TTN: variants seen among roughly 807,000 people sequenced by gnomAD.
TTN encodes the protein titin, also known as connectin.
TTN carries 1,525 observed loss-of-function variants against 3,223.0 expected under a neutral mutation model. That is an observed-to-expected ratio of 0.47 (90% CI 0.45 to 0.49). The LOEUF is 0.49. TTN is among the 20% of genes least tolerant of loss of function. TTN has a pLI of 0.00. For missense variants in TTN, 40,786 were observed against 43,424.0 expected, an observed-to-expected ratio of 0.94 and a Z score of 5.40; for synonymous variants, 14,094 against 15,161.0, an observed-to-expected ratio of 0.93 and a Z score of 5.17.
Position 178,807,392 on chromosome 2 carries a change from C to G in TTN, c.-194G>C, listed in dbSNP as rs562565841. The G allele has an allele frequency of 6.6e-6, 1 of 152,222 alleles. No individual in the cohort carries two copies. Among genetic ancestry groups the G allele is most frequent in the Admixed American group, 6.5e-5 (1 of 15,282 alleles). The allele number at this position is 152,222 out of a possible 1,614,324, so 9.4% of individuals were successfully genotyped here. A position where few individuals can be genotyped will look rare whatever the true frequency, so the allele number is the denominator to read the frequency against. ...TTTGCTTTTCTATGCAATCCCTACA[C>G]CCGAGGCGAGGCTGGGAATGCACGA... On this transcript the variant is annotated 5_prime_UTR_variant, in exon 1 of 363. Coordinates refer to ENST00000589042, the MANE Select transcript of TTN (RefSeq NM_001267550.2).
chr2:178,620,207 T>A lies in TTN; in HGVS notation c.46304+10A>T. On this transcript the variant is annotated intron_variant, in intron 248 of 362. Transcript: ENST00000589042. ...GCTACAGAAATAGAGAATAAAAAGATCTTGCTTACTTTTTGCCTTCTTTGA... is the reference window on the plus strand; with the variant it reads ...GCTACAGAAATAGAGAATAAAAAGAACTTGCTTACTTTTTGCCTTCTTTGA... 1 of 1,541,944 alleles carries A rather than the reference T, an allele frequency of 6.5e-7. No homozygotes were observed. The highest frequency in any genetic ancestry group is 8.7e-7 in the Non-Finnish European group (1 of 1,148,832).
chr2:178,685,737 A>G, intron 127 of TTN, 139 bp from the exon 128 acceptor site: 3 of 745,956 alleles, frequency 4.0e-6, no homozygotes, highest in Non-Finnish European at 6.5e-6. Context: ...CCTATTTAAA[A>G]TACTCAAAGA....
Position 178,702,507 on chromosome 2 carries a change from T to G in TTN, c.30380A>C (p.Asn10127Thr). ...LTESQKYNFR[N>T]DGRCHYMTIH... ...GGTCATATAATGGCAGCGGCCATCA[T>G]TCCTGAAGTTGTATTTCTGGCTCTC... Residue 10127 changes from asparagine (N) to threonine (T), a missense_variant, in exon 107 of 363, where the codon AAT becomes ACT. Physicochemically the swap from Asn to Thr is moderately conservative, Grantham distance 65 (BLOSUM62 0). Coordinates refer to ENST00000589042, the MANE Select transcript of TTN (RefSeq NM_001267550.2). The G allele has an allele frequency of 2.5e-6, 4 of 1,613,964 alleles. No individual in the cohort carries two copies. The highest frequency in any genetic ancestry group is 3.4e-6 in the Non-Finnish European group (4 of 1,179,872).
rs1391236798 is a variant in TTN at position 178,531,218 on chromosome 2, T to G, written c.105397A>C (p.Thr35133Pro). 3.1e-6 allele frequency: 5 copies of G among 1,613,870 alleles called. No homozygotes were observed. The African/African-American group carries it at 4.0e-5, about 13-fold the overall frequency. The change falls in exon 358 of 363, where the codon ACA (threonine) becomes CCA (proline). Residue 35133 changes from threonine to proline, a missense_variant. Physicochemically the swap from Thr to Pro is conservative, Grantham distance 38. Transcript: ENST00000589042. ...TAGACGGTCATGGACCGTGGCTTTG[T>G]TAGAATTCTTGCTGCCAAAGTCGTC... ...IKTTLAARIL[T>P]KPRSMTVYEG...
At position 178,612,169 on chromosome 2, in the gene TTN, A is replaced by T. The variant is rs759045967; in HGVS notation, c.50249-7T>A. ...TAGGGTGGTCCAGGAGTGGCTGAAA[A>T]TAAAATAAACAATGATTAGGAAAAC... On this transcript the variant is annotated splice_region_variant and splice_polypyrimidine_tract_variant and intron_variant, in intron 266 of 362. Transcript: ENST00000589042. 5.0e-6 allele frequency: 8 copies of T among 1,606,772 alleles called. No individual in the cohort carries two copies. The Admixed American group carries it at 1.4e-4, about 27-fold the overall frequency.
In TTN at chr2:178,527,175, T is replaced by C. The variant is rs1233232821; in HGVS notation, c.107813A>G (p.His35938Arg). Reference sequence around the variant, plus strand: ...GTGGAACCTCCCCTGTTCTTGACTGTGGATTTTTCTTCCACCACAGGACCA... The same window carrying C: ...GTGGAACCTCCCCTGTTCTTGACTGCGGATTTTTCTTCCACCACAGGACCA... ...VTWSCGGRKI[H>R]SQEQGRFHIE... Residue 35938 changes from histidine to arginine, a missense_variant, in exon 363 of 363, where the codon CAC (histidine) becomes CGC (arginine). His to Arg is a conservative substitution (Grantham distance 29). Transcript: ENST00000589042. 1 of 1,614,034 alleles carries C rather than the reference T, an allele frequency of 6.2e-7. No homozygotes were observed. The highest frequency in any genetic ancestry group is 8.5e-7 in the Non-Finnish European group (1 of 1,179,882).
At chr2:178,724,684 C>T in intron 71 of TTN, 146 bp from the exon 72 acceptor site, 1 of 689,658 alleles carries the variant, frequency 1.4e-6, no homozygotes, top group Non-Finnish European at 2.1e-6. Flanking sequence ...TCCATAATTA[C>T]ATGCAGTCAT....
chr2:178,757,409 G>A lies in TTN; in HGVS notation c.10678+133C>T, dbSNP rs1415239688. ...AATTGAGGACCTAGCGGGAGTTATT[G>A]CATGTTATTTTATTAGTAAGTTATG... On this transcript the variant is annotated intron_variant, in intron 45 of 362. Transcript: ENST00000589042. The A allele has an allele frequency of 4.3e-6, 5 of 1,156,102 alleles. No homozygotes were observed. The Admixed American group carries it at 1.4e-4, about 32-fold the overall frequency. The allele number at this position is 1,156,102 out of a possible 1,614,324, so 71.6% of individuals were successfully genotyped here.
rs2093915418 is a variant in TTN at position 178,799,093 on chromosome 2, C to G, written c.914+394G>C. The G allele has an allele frequency of 3.8e-5, 8 of 207,950 alleles. No individual in the cohort carries two copies. The South Asian group carries it at 7.9e-4, about 21-fold the overall frequency. The allele number at this position is 207,950 out of a possible 1,614,324, so 12.9% of individuals were successfully genotyped here. On this transcript the variant is annotated intron_variant, in intron 6 of 362. Transcript: ENST00000589042. ...TACATTTTTGAGTGCATGAAACTTACACGGGAGGAGGGCAGGGAAGTGCTG... is the reference window on the plus strand; with the variant it reads ...TACATTTTTGAGTGCATGAAACTTAGACGGGAGGAGGGCAGGGAAGTGCTG...
Position 178,528,893 on chromosome 2 carries a change from C to A in TTN, c.106858G>T (p.Glu35620Ter), listed in dbSNP as rs377593605. ...KAFSTQMSIN[E>*]GQRLVLKANI... ...GCTTTTAAAACCAGTCTTTGACCTT[C>A]GTTTATGCTCATCTGAGTAGAAAAT... The change falls in exon 360 of 363, where the codon GAA becomes TAA. Residue 35620 changes from glutamate to a stop codon, truncating the protein, a stop_gained. Transcript: ENST00000589042. LOFTEE classifies it high-confidence loss of function. 1 of 1,614,000 alleles carries A rather than the reference C, an allele frequency of 6.2e-7. No individual in the cohort carries two copies. The highest frequency in any genetic ancestry group is 8.5e-7 in the Non-Finnish European group (1 of 1,179,870).
chr2:178,787,843 G>A (rs1456360364), intron 13 of TTN, among the ~76,000 whole-genome samples: 3 of 152,004 alleles, frequency 2.0e-5, no homozygotes, highest in African/African-American at 4.8e-5. Context: ...GCTGGTAACC[G>A]CTTTTATTTC....
At chr2:178,764,121 T>A (rs764911437) in intron 43 of TTN, 56 bp downstream of exon 43, 1 of 1,613,096 alleles carries the variant, frequency 6.2e-7, no homozygotes, top group East Asian at 2.2e-5. Flanking sequence ...CAGAATGTTT[T>A]TCCCATGTAA....
chr2:178,801,618 G>A (rs74745278), intron 3 of TTN, among the ~76,000 whole-genome samples: 287 of 151,900 alleles, frequency 1.9e-3, no homozygotes, highest in African/African-American at 6.8e-3. Context: ...AACAACAGAG[G>A]CCACTAAGAT....
Position 178,546,990 on chromosome 2 carries a change from T to C in TTN, c.94522+13A>G. 1.2e-6 allele frequency: 2 copies of C among 1,601,850 alleles called. No homozygotes were observed. Among genetic ancestry groups the C allele is most frequent in the Non-Finnish European group, 1.7e-6 (2 of 1,172,466 alleles). ...AATAATAAACAAATATGCCCTTAAA[T>C]TGTGATACATACCAACTGGATTTTG... On this transcript the variant is annotated intron_variant, in intron 340 of 362. Coordinates refer to ENST00000589042, the MANE Select transcript of TTN (RefSeq NM_001267550.2).
chr2:178,652,017 T>A (rs367940697), intron 204 of TTN, 50 bp from the exon 205 acceptor site: 9 of 1,610,986 alleles, frequency 5.6e-6, no homozygotes, highest in Non-Finnish European at 7.6e-6. Context: ...AAAACTGAGA[T>A]AGTTTGCAAA....
Position 178,602,382 on chromosome 2 carries a change from T to C in TTN, c.55020A>G (p.Lys18340=), listed in dbSNP as rs761234259. ...CTCTGAATCTGTACTTCCTGAGCTC[T>C]TTCAGATTAGGCACCACACATTCAC... The part of the protein sequence containing the change: ...TTCECVVPNL[K]ELRKYRFRVK... Residue 18340 remains lysine (K), a synonymous_variant, in exon 283 of 363, where the codon AAA becomes AAG. Coordinates refer to ENST00000589042, the MANE Select transcript of TTN (RefSeq NM_001267550.2). The C allele has an allele frequency of 6.2e-7, 1 of 1,612,842 alleles. No individual in the cohort carries two copies. Among genetic ancestry groups the C allele is most frequent in the South Asian group, 1.1e-5 (1 of 91,048 alleles).
rs747161377 is a variant in TTN at position 178,634,566 on chromosome 2, C to T, written c.42215G>A (p.Arg14072Gln). 19 of 1,613,300 alleles carry T rather than the reference C, an allele frequency of 1.2e-5. No homozygotes were observed. Among genetic ancestry groups the T allele is most frequent in the South Asian group, 8.8e-5 (8 of 91,036 alleles). ...CTCTCGGGTGAGGACACATTCGAAT[C>T]GAGCCTGTCGCCTTTCTGGAACAGT... Reference protein sequence around the residue: ...DVTVPERRQARFECVLTREAN... With the variant: ...DVTVPERRQAQFECVLTREAN... Residue 14072 changes from arginine to glutamine, a missense_variant, in exon 230 of 363, where the codon CGA (arginine) becomes CAA (glutamine). Coordinates refer to ENST00000589042, the MANE Select transcript of TTN (RefSeq NM_001267550.2). The surrounding 1 kb of genome is among the most constrained non-coding windows in gnomAD (Gnocchi z 4.6).
chr2:178,609,631 A>G, intron 272 of TTN, 53 bp downstream of exon 272: 1 of 1,550,410 alleles, frequency 6.4e-7, no homozygotes, highest in Non-Finnish European at 8.7e-7. Context: ...ACAAAACATT[A>G]TTTTCATTTA....
At position 178,702,494 on chromosome 2, in the gene TTN, G is replaced by C. The variant is rs913255032; in HGVS notation, c.30393C>G (p.Cys10131Trp). 1 of 1,613,906 alleles carries C rather than the reference G, an allele frequency of 6.2e-7. No individual in the cohort carries two copies. The highest frequency in any genetic ancestry group is 8.5e-7 in the Non-Finnish European group (1 of 1,179,874). ...TCACATTGTGGATGGTCATATAATG[G>C]CAGCGGCCATCATTCCTGAAGTTGT... The part of the protein sequence containing the change: ...QKYNFRNDGR[C>W]HYMTIHNVTP... Residue 10131 changes from cysteine (C) to tryptophan (W), a missense_variant, in exon 107 of 363, where the codon TGC becomes TGG. Cys to Trp is a radical substitution (Grantham distance 215). Coordinates refer to ENST00000589042, the MANE Select transcript of TTN (RefSeq NM_001267550.2).
Sources: gnomAD v4.1 joint callset for allele counts (sites outside exome capture counted in the v4.1 genomes callset) on GRCh38, gnomAD v4.1.1 for gene constraint, Gnocchi (gnomAD v3.1) non-coding constraint, MANE v1.5 for transcripts, NCBI Gene and HGNC (gene_info 2026-07-23, HGNC 2026-07-21) for gene names.